TTN: variants seen among roughly 807,000 people sequenced by gnomAD.
TTN encodes connectin.
Under a neutral mutation model 3,223.0 loss-of-function variants are expected in TTN, and 1,525 were observed. The ratio of observed to expected loss-of-function variants is 0.47; its 90% CI spans 0.45 to 0.49. The LOEUF is 0.49. Ranked by LOEUF, TTN falls within the 20% of genes least tolerant of loss-of-function variation. The pLI is 0.00. For missense variants in TTN, 40,786 were observed against 43,424.0 expected (o/e 0.94, Z 5.40); for synonymous variants, 14,094 against 15,161.0 (o/e 0.93, Z 5.17).
In TTN at chr2:178,579,049, T is replaced by A. The variant is rs1201216819; in HGVS notation, c.67981A>T (p.Met22661Leu). ...TTTGGAGGAGCCCACTTTAAGGTCA[T>A]GGCTTCTGCTGTGACTTCATCAAAT... ...IKFDEVTAEAMTLKWAPPKDD... is the reference protein window; with the variant it reads ...IKFDEVTAEALTLKWAPPKDD... Residue 22661 changes from methionine to leucine, a missense_variant, in exon 320 of 363, where the codon ATG becomes TTG. Met to Leu is a conservative substitution (Grantham distance 15, BLOSUM62 2). Coordinates refer to ENST00000589042, the MANE Select transcript of TTN (RefSeq NM_001267550.2). The A allele has an allele frequency of 1.2e-6, 2 of 1,613,300 alleles. No individual in the cohort carries two copies. The highest frequency in any genetic ancestry group is 1.3e-5 in the African/African-American group (1 of 75,008).
intron 46 of TTN, among the ~76,000 whole-genome samples, chr2:178,754,307 A>G (rs1429024798): frequency 6.6e-6 from 1 of 152,188 alleles, no homozygotes; most frequent in Non-Finnish European, 1.5e-5. Flanking sequence ...TCAAATAATT[A>G]GACAACTGTG....
At chr2:178,782,153 A>T in intron 20 of TTN, 59 bp downstream of exon 20, 1 of 1,594,002 alleles carries the variant, frequency 6.3e-7, no homozygotes, top group Non-Finnish European at 8.6e-7. Flanking sequence ...ATTCTACTCT[A>T]GGCTTCATGC....
rs2154295797 is a variant in TTN at position 178,712,017 on chromosome 2, A to G, written c.27813T>C (p.Asp9271=). 6.2e-7 allele frequency: 1 copy of G among 1,613,782 alleles called. No individual in the cohort carries two copies. The highest frequency in any genetic ancestry group is 8.5e-7 in the Non-Finnish European group (1 of 1,179,742). The part of the protein sequence containing the change: ...TLVFNQVDIN[D]SGEYICKAEN... ...CAGCTTTGCAGATATATTCTCCACT[A>G]TCATTAATATCAACCTGGTTGAAAA... is the stretch of plus-strand genomic sequence containing the variant. The change falls in exon 96 of 363, where the codon GAT becomes GAC. Residue 9271 remains aspartate (D), a synonymous_variant. Transcript: ENST00000589042.
At position 178,731,219 on chromosome 2, in the gene TTN, G is replaced by A; in HGVS notation, c.17462-16C>T. 1 of 1,611,572 alleles carries A rather than the reference G, an allele frequency of 6.2e-7. No individual in the cohort carries two copies. The highest frequency in any genetic ancestry group is 8.5e-7 in the Non-Finnish European group (1 of 1,178,362). Reference sequence around the variant, plus strand: ...GTTGCAGGTTCTGTAGAAAACAAAGGGATAGATGTGGGTTGTGCATTACCC... The same window carrying A: ...GTTGCAGGTTCTGTAGAAAACAAAGAGATAGATGTGGGTTGTGCATTACCC... On this transcript the variant is annotated splice_polypyrimidine_tract_variant and intron_variant, in intron 59 of 362. Transcript: ENST00000589042.
At position 178,712,047 on chromosome 2, in the gene TTN, T is replaced by C. The variant is rs1221102112; in HGVS notation, c.27783A>G (p.Thr9261=). The part of the protein sequence containing the change: ...YKMHFRNNVA[T]LVFNQVDIND... The stretch of plus-strand genomic sequence containing the variant: ...TAATATCAACCTGGTTGAAAACCAG[T>C]GTAGCAACATTATTCCTAAAATGCA... The change falls in exon 96 of 363, where the codon ACA becomes ACG. Residue 9261 remains threonine, a synonymous_variant. Transcript: ENST00000589042. 3 of 1,613,832 alleles carry C rather than the reference T, an allele frequency of 1.9e-6. No individual in the cohort carries two copies. Among genetic ancestry groups the C allele is most frequent in the Admixed American group, 1.7e-5 (1 of 60,006 alleles).
chr2:178,779,314 A>C lies in TTN; in HGVS notation c.3878T>G (p.Phe1293Cys), dbSNP rs747818002. ...ISESEAVESG[F>C]DSRIKNYRIL... The stretch of plus-strand genomic sequence containing the variant: ...TCTATAATTCTTGATTCTTGAATCA[A>C]ATCCTGATTCAACAGCTTCAGATTC... The change falls in exon 23 of 363, where the codon TTT becomes TGT. Residue 1293 changes from phenylalanine to cysteine, a missense_variant. Coordinates refer to ENST00000589042, the MANE Select transcript of TTN (RefSeq NM_001267550.2). 2 of 1,613,494 alleles carry C rather than the reference A, an allele frequency of 1.2e-6. No homozygotes were observed. Among genetic ancestry groups the C allele is most frequent in the Non-Finnish European group, 1.7e-6 (2 of 1,179,626 alleles).
chr2:178,774,570 C>T lies in TTN; in HGVS notation c.6791-97G>A, dbSNP rs3816781. 0.97 allele frequency: 1,128,151 copies of T among 1,162,060 alleles called. 549,117 individuals are homozygous for T. Among genetic ancestry groups the T allele is most frequent in the Non-Finnish European group, 0.99 (799,499 of 806,084 alleles). 72.0% of individuals were successfully genotyped at this position (1,162,060 alleles called of 1,614,324 possible). ...TGTCTTGTATGTCTTTTATCTCCCC[C>T]ATACTATCAGGTGTATTCTTAATAT... is the stretch of plus-strand genomic sequence containing the variant. On this transcript the variant is annotated intron_variant, in intron 29 of 362. Transcript: ENST00000589042.
rs1372238245 is a variant in TTN at position 178,544,354 on chromosome 2, C to G, written c.95875G>C (p.Val31959Leu). 3.1e-6 allele frequency: 5 copies of G among 1,613,634 alleles called. No homozygotes were observed. The Admixed American group carries it at 8.3e-5, about 27-fold the overall frequency. ...QEKDTDQWYR[V>L]HTNATIRNTE... ...TTTCTTATTGTGGCATTGGTATGCA[C>G]TCGGTACCACTGATCAGTGTCCTTC... The change falls in exon 345 of 363, where the codon GTG becomes CTG. Residue 31959 changes from valine (V) to leucine (L), a missense_variant. Val to Leu is a conservative substitution (Grantham distance 32). Coordinates refer to ENST00000589042, the MANE Select transcript of TTN (RefSeq NM_001267550.2).
At position 178,576,027 on chromosome 2, in the gene TTN, T is replaced by C. The variant is rs1277463353; in HGVS notation, c.70105A>G (p.Lys23369Glu). ...GTCACTTCAGGAGCAGGACGACCTT[T>C]AATTGGCACAAATATCCTAATACTG... ...GLSIRIFVPI[K>E]GRPAPEVTWT... The change falls in exon 326 of 363, where the codon AAA becomes GAA. Residue 23369 changes from lysine (K) to glutamate (E), a missense_variant. Coordinates refer to ENST00000589042, the MANE Select transcript of TTN (RefSeq NM_001267550.2). The surrounding 1 kb of genome is among the most constrained non-coding windows in gnomAD (Gnocchi z 4.3). The C allele has an allele frequency of 6.2e-7, 1 of 1,613,340 alleles. No individual in the cohort carries two copies. The highest frequency in any genetic ancestry group is 8.5e-7 in the Non-Finnish European group (1 of 1,179,456).
intron 11 of TTN, among the ~76,000 whole-genome samples, chr2:178,790,459 G>A (rs186913223): frequency 3.9e-5 from 6 of 152,206 alleles, no homozygotes; most frequent in African/African-American, 1.2e-4. Flanking sequence ...ACTTGTTTAC[G>A]GACATCTGCT....
In TTN at chr2:178,528,344, A is replaced by G. The variant is rs759509591; in HGVS notation, c.107307T>C (p.Ser35769=). 5.0e-6 allele frequency: 8 copies of G among 1,613,866 alleles called. No individual in the cohort carries two copies. In the South Asian group the frequency reaches 8.8e-5, roughly 18 times the overall value. The change falls in exon 361 of 363, where the codon AGT becomes AGC. Residue 35769 remains serine, a synonymous_variant. Transcript: ENST00000589042. ...TTTTGGCCTTAATTGTGTACTTTCC[A>G]CTGTCGCTGACTGATGCATTTCGGA... ...LEIRNASVSD[S]GKYTIKAKNF...
At chr2:178,692,474 T>G (rs1487356438) in intron 120 of TTN, 23 bp downstream of exon 120, 2 of 1,548,724 alleles carry the variant, frequency 1.3e-6, no homozygotes, top group Admixed American at 3.9e-5. Flanking sequence ...TAAGAATTAT[T>G]TTTTTCACAA....
rs1553641323 is a variant in TTN, at chr2:178,589,767, G to A, written c.61958C>T (p.Thr20653Ile). 4 of 1,613,530 alleles carry A rather than the reference G, an allele frequency of 2.5e-6. No individual in the cohort carries two copies. The highest frequency in any genetic ancestry group is 4.5e-5 in the East Asian group (2 of 44,806). Reference sequence around the variant, plus strand: ...CAGAATGGGAGTTTTTGTTTCGATGGTTGGCCCAACACCTACTTTATTCTC... The same window carrying A: ...CAGAATGGGAGTTTTTGTTTCGATGATTGGCCCAACACCTACTTTATTCTC... ...CAENKVGVGP[T>I]IETKTPILAI... The change falls in exon 304 of 363, where the codon ACC (threonine) becomes ATC (isoleucine). Residue 20653 changes from threonine (T) to isoleucine (I), a missense_variant. Physicochemically the swap from Thr to Ile is moderately conservative, Grantham distance 89. Transcript: ENST00000589042.
Position 178,577,452 on chromosome 2 carries a change from C to T in TTN, c.68883G>A (p.Gly22961=). 2 of 1,604,024 alleles carry T rather than the reference C, an allele frequency of 1.2e-6. No homozygotes were observed. Residue 22961 remains glycine, a synonymous_variant, in exon 324 of 363, where the codon GGG becomes GGA. Transcript: ENST00000589042. The stretch of plus-strand genomic sequence containing the variant: ...TAATGGCATTCAAAACAATGGTATC[C>T]CCTGCTTTAATTGTTAGCCCATCTT... ...TIKDGLTIKA[G]DTIVLNAISI...
Position 178,731,887 on chromosome 2 carries a change from G to A in TTN, c.16988C>T (p.Thr5663Ile), listed in dbSNP as rs1370225459. The change falls in exon 58 of 363, where the codon ACT (threonine) becomes ATT (isoleucine). Residue 5663 changes from threonine to isoleucine, a missense_variant. Transcript: ENST00000589042. ...DVMLLAEVAGTPPFEITWFKD... is the reference protein window; with the variant it reads ...DVMLLAEVAGIPPFEITWFKD... The stretch of plus-strand genomic sequence containing the variant: ...GAACCAAGTGATCTCAAAGGGAGGA[G>A]TGCCTGCCACCTCAGCCAGCAACAT... 9 of 1,613,748 alleles carry A rather than the reference G, an allele frequency of 5.6e-6. No homozygotes were observed. The highest frequency in any genetic ancestry group is 7.6e-6 in the Non-Finnish European group (9 of 1,179,732).
At chr2:178,778,412 G>GT in intron 24 of TTN, 4 of 261,568 alleles carry the variant, frequency 1.5e-5, no homozygotes, top group South Asian at 4.7e-5. Flanking sequence ...AATGAATTTG[G>GT]AAACAAAACA....
At position 178,533,870 on chromosome 2, in the gene TTN, C is replaced by G. The variant is rs1575271973; in HGVS notation, c.102745G>C (p.Asp34249His). The change falls in exon 358 of 363, where the codon GAC (aspartate) becomes CAC (histidine). Residue 34249 changes from aspartate to histidine, a missense_variant. Asp to His is a moderately conservative substitution (Grantham distance 81). Coordinates refer to ENST00000589042, the MANE Select transcript of TTN (RefSeq NM_001267550.2). The part of the protein sequence containing the change: ...RTMKKIKRRT[D>H]TMRLLERPPE... ...GGCCTTTCCAGGAGTCTCATTGTGTCTGTTCTGCGCTTAATTTTCTTCATG... is the reference window on the plus strand; with the variant it reads ...GGCCTTTCCAGGAGTCTCATTGTGTGTGTTCTGCGCTTAATTTTCTTCATG... 5.0e-6 allele frequency: 8 copies of G among 1,613,770 alleles called. No homozygotes were observed. The South Asian group carries it at 7.7e-5, about 16-fold the overall frequency.
Position 178,534,769 on chromosome 2 carries a change from GT to G in TTN, c.101845del (p.Thr33949ProfsTer10). The G allele has an allele frequency of 6.2e-7, 1 of 1,613,428 alleles. No individual in the cohort carries two copies. The highest frequency in any genetic ancestry group is 8.5e-7 in the Non-Finnish European group (1 of 1,179,774). Reference protein sequence around the residue: ...DIRPENIIYQTRRSSTIKIIE... With the variant: ...DIRPENIIYQXRRSSTIKIIE... Reference sequence around the variant, plus strand: ...GATTTTAATGGTAGAGCTTCTTCTGGTTTGGTAAATGATATTTTCTGGTCTA... The same window carrying G: ...GATTTTAATGGTAGAGCTTCTTCTGGTTGGTAAATGATATTTTCTGGTCTA... On this transcript the variant is annotated frameshift_variant, in exon 358 of 363. Coordinates refer to ENST00000589042, the MANE Select transcript of TTN (RefSeq NM_001267550.2). LOFTEE classifies it high-confidence loss of function.
rs1700602244 is a variant in TTN, at chr2:178,554,573, T to C, written c.88774A>G (p.Ile29592Val). The change falls in exon 332 of 363, where the codon ATC becomes GTC. Residue 29592 changes from isoleucine (I) to valine (V), a missense_variant. By Grantham distance (29) the Ile-to-Val change is conservative. Transcript: ENST00000589042. ...SMVSEHLEEC[I>V]ITTTKIIKGN... ...TTGATAATTTTGGTGGTTGTAATGA[T>C]GCACTCTTCCAAATGTTCAGACACC... 3.1e-6 allele frequency: 5 copies of C among 1,613,906 alleles called. No individual in the cohort carries two copies. In the East Asian group the frequency reaches 1.1e-4, roughly 36 times the overall value.
Sources: gnomAD v4.1 joint callset for allele counts (sites outside exome capture counted in the v4.1 genomes callset) on GRCh38, gnomAD v4.1.1 for gene constraint, Gnocchi (gnomAD v3.1) non-coding constraint, MANE v1.5 for transcripts, NCBI Gene and HGNC (gene_info 2026-07-23, HGNC 2026-07-21) for gene names.